The following CFAP47 variants were observed in gnomAD, a reference collection of about 807,000 sequenced individuals.
The protein encoded by CFAP47 is cilia- and flagella-associated protein 47.
Under a neutral mutation model 148.1 loss-of-function variants are expected in CFAP47, and 29 were observed. The ratio of observed to expected loss-of-function variants is 0.20; its 90% CI spans 0.15 to 0.27. CFAP47 has a LOEUF of 0.27. CFAP47 is among the 10% of genes least tolerant of loss of function. CFAP47 has a pLI of 1.00. For synonymous variants in CFAP47, 664 were observed against 577.3 expected (o/e 1.15, Z -2.15); for missense variants, 1,872 against 1,697.5 (o/e 1.10, Z -1.81).
At chrX:36,300,312 CAG>C (rs1941285872) in intron 52 of CFAP47, among the ~76,000 whole-genome samples, 2 of 104,588 alleles carry the variant, frequency 1.9e-5, no homozygotes, top group South Asian at 4.2e-4. Context: ...TTTTTTGAGA[CAG>C]AGTCTCACTC....
chrX:35,951,420 C>G, intron 5 of CFAP47, 61 bp downstream of exon 5: 1 of 725,248 alleles, frequency 1.4e-6, no homozygotes. Context: ...TGTGTTAAAT[C>G]TAATAATAAC....
At position 36,240,545 on chromosome X, in the gene CFAP47, C is replaced by T. The variant is rs782370757; in HGVS notation, c.7332+3686C>T. On this transcript the variant is annotated intron_variant, in intron 48 of 63. Transcript: ENST00000378653. ...GTAAGCTGGCAGAAGAAATAATCAT[C>T]AAACTTTAATATGAGTCAATACAGA... Among the ~76,000 whole-genome samples the T allele has an allele frequency of 2.7e-5, 3 of 111,076 alleles. No individual in the cohort carries two copies. The East Asian group carries it at 8.4e-4, about 31-fold the overall frequency.
At chrX:36,068,807 T>A (rs1937689127) in intron 27 of CFAP47, among the ~76,000 whole-genome samples, 1 of 108,473 alleles carries the variant, frequency 9.2e-6, no homozygotes, top group African/African-American at 3.4e-5. Context: ...AATACAAAAA[T>A]TAGCTGGGTA....
intron 42 of CFAP47, among the ~76,000 whole-genome samples, chrX:36,196,557 A>G (rs1447444188): frequency 9.0e-6 from 1 of 111,330 alleles, no homozygotes; most frequent in Non-Finnish European, 1.9e-5. Flanking sequence ...AATTAGTGGC[A>G]GAGCTGGGAT....
At chrX:36,034,968 G>T (rs1472972947) in intron 23 of CFAP47, among the ~76,000 whole-genome samples, 1 of 109,637 alleles carries the variant, frequency 9.1e-6, no homozygotes, top group Non-Finnish European at 1.9e-5. Context: ...TTATATATGT[G>T]TCCCTCTCTC....
At chrX:35,924,263 G>GTGTACATGTATGTGTATA (rs1569201697) in intron 1 of CFAP47, among the ~76,000 whole-genome samples, 2 of 98,000 alleles carry the variant, frequency 2.0e-5, no homozygotes, top group Non-Finnish European at 3.9e-5. Context: ...GGACATGTAT[G>GTGTACATGTATGTGTATA]TGTACATGTA....
chrX:35,985,910 A>G (rs751186332), intron 15 of CFAP47: 1 of 332,865 alleles, frequency 3.0e-6, no homozygotes, highest in Middle Eastern at 4.7e-4. Flanking sequence ...CCCTGCCATC[A>G]TTAGCTTATT....
chrX:35,950,435 G>A (rs910942611), intron 4 of CFAP47, among the ~76,000 whole-genome samples: 1 of 111,625 alleles, frequency 9.0e-6, no homozygotes, highest in African/African-American at 3.3e-5. Flanking sequence ...GTGCAATCAC[G>A]GCTTACTGCA....
intron 33 of CFAP47, among the ~76,000 whole-genome samples, chrX:36,117,405 C>T (rs1330378571): frequency 1.8e-5 from 2 of 111,816 alleles, no homozygotes; most frequent in Non-Finnish European, 3.8e-5. Context: ...TCCACATCCT[C>T]GCCAACATTT....
chrX:36,238,834 A>T (rs1173293445), intron 48 of CFAP47, among the ~76,000 whole-genome samples: 2 of 111,555 alleles, frequency 1.8e-5, no homozygotes, highest in African/African-American at 6.5e-5. Context: ...AAATACAAAT[A>T]CCAAATTCAT....
intron 57 of CFAP47, among the ~76,000 whole-genome samples, chrX:36,331,142 T>C (rs189502018): frequency 1.6e-4 from 18 of 111,950 alleles, no homozygotes; most frequent in African/African-American, 5.8e-4. Context: ...GTTAAAAAAA[T>C]CAGGGCTTCC....
At chrX:36,180,327 A>G (rs1939736340) in intron 40 of CFAP47, among the ~76,000 whole-genome samples, 2 of 112,233 alleles carry the variant, frequency 1.8e-5, no homozygotes, top group Non-Finnish European at 3.8e-5. Flanking sequence ...ACAATTAAAA[A>G]CAATGTTATC....
chrX:35,936,885 G>A (rs918198678), intron 2 of CFAP47, among the ~76,000 whole-genome samples: 1 of 108,925 alleles, frequency 9.2e-6, no homozygotes, highest in African/African-American at 3.3e-5. Flanking sequence ...GAGAAATGTG[G>A]TGAGAACGCT....
Position 35,919,771 on chromosome X carries a change from T to G in CFAP47, c.-29T>G, listed in dbSNP as rs916251765. On this transcript the variant is annotated 5_prime_UTR_variant, in exon 1 of 64. Coordinates refer to ENST00000378653, the MANE Select transcript of CFAP47 (RefSeq NM_001304548.2). Reference sequence around the variant, plus strand: ...TAATCCTTGGCCGGACGGATCCACATCTGTTTTCTGGCTACCGAGAGGGCA... The same window carrying G: ...TAATCCTTGGCCGGACGGATCCACAGCTGTTTTCTGGCTACCGAGAGGGCA... 2 of 1,186,310 alleles carry G rather than the reference T, an allele frequency of 1.7e-6. No individual in the cohort carries two copies. The highest frequency in any genetic ancestry group is 2.3e-6 in the Non-Finnish European group (2 of 880,133).
chrX:36,371,618 T>C (rs1941938286), intron 62 of CFAP47, among the ~76,000 whole-genome samples: 1 of 90,920 alleles, frequency 1.1e-5, no homozygotes, highest in Non-Finnish European at 2.2e-5. Context: ...TGTATATATG[T>C]GTAATATATG....
intron 22 of CFAP47, among the ~76,000 whole-genome samples, chrX:36,019,918 CA>C (rs1314047952): frequency 1.8e-5 from 2 of 111,784 alleles, no homozygotes; most frequent in African/African-American, 6.5e-5. Context: ...GTACTCTCTT[CA>C]TTTCATTTTT....
chrX:36,128,397 C>T lies in CFAP47; in HGVS notation c.5321-9561C>T, dbSNP rs114090534. ...AAGTGAATTGCTTTGCGTTGTTCTG[C>T]ACTTTTTTATATTCTCAAAATGAGT... is the stretch of plus-strand genomic sequence containing the variant. On this transcript the variant is annotated intron_variant, in intron 33 of 63. Coordinates refer to ENST00000378653, the MANE Select transcript of CFAP47 (RefSeq NM_001304548.2). 7.8e-4 allele frequency among the ~76,000 whole-genome samples: 87 copies of T among 111,278 alleles called. 1 individual carries two copies. Among genetic ancestry groups the T allele is most frequent in the African/African-American group, 2.8e-3 (86 of 30,781 alleles).
At chrX:35,937,104 GTTTTTTT>G (rs377601530) in intron 2 of CFAP47, among the ~76,000 whole-genome samples, 5 of 55,541 alleles carry the variant, frequency 9.0e-5, no homozygotes, top group Non-Finnish European at 1.8e-4. Flanking sequence ...TGCAATTGCT[GTTTTTTT>G]TTTTTTTTTT....
chrX:36,288,999 CTTTTTTTTTTT>C (rs34230885), intron 51 of CFAP47, among the ~76,000 whole-genome samples: 1 of 66,472 alleles, frequency 1.5e-5, no homozygotes, highest in Non-Finnish European at 2.8e-5. Flanking sequence ...TTCTTTCATC[CTTTTTTTTTTT>C]TTTTTTTTTG....
Sources: gnomAD v4.1 joint callset for allele counts (sites outside exome capture counted in the v4.1 genomes callset) on GRCh38, gnomAD v4.1.1 for gene constraint, MANE v1.5 for transcripts, NCBI Gene and HGNC (gene_info 2026-07-23, HGNC 2026-07-21) for gene names.